Variants in IL1RAPL2 observed in about 807,000 individuals in gnomAD.
IL1RAPL2 encodes the protein interleukin 1 receptor accessory protein like 2.
In IL1RAPL2, 3 loss-of-function variants were observed where a neutral mutation model predicts 44.1. The ratio of observed to expected loss-of-function variants is 0.07; its 90% CI spans 0.03 to 0.18. The LOEUF is 0.18. IL1RAPL2 is among the 10% of genes least tolerant of loss of function. IL1RAPL2 has a pLI of 1.00. For synonymous variants in IL1RAPL2, 181 were observed against 178.8 expected (o/e 1.01, Z -0.10); for missense variants, 391 against 496.4 (o/e 0.79, Z 2.02).
intron 5 of IL1RAPL2, among the ~76,000 whole-genome samples, chrX:105,418,218 GA>G (rs112637742): frequency 0.065 from 6,821 of 104,843 alleles, 534 homozygotes; most frequent in African/African-American, 0.22. Context: ...ATAGTTGACT[GA>G]AAAAAAAAAT....
chrX:104,950,712 T>G (rs747549351), intron 2 of IL1RAPL2, among the ~76,000 whole-genome samples: 2 of 85,360 alleles, frequency 2.3e-5, no homozygotes, highest in Non-Finnish European at 5.2e-5. Context: ...TGTTTTTGTT[T>G]TTGTTTTTTT....
At chrX:105,651,788 G>C (rs2037643809) in intron 6 of IL1RAPL2, among the ~76,000 whole-genome samples, 1 of 111,599 alleles carries the variant, frequency 9.0e-6, no homozygotes, top group Non-Finnish European at 1.9e-5. Context: ...TTTCAGTCAT[G>C]TGTTTACTCC....
intron 2 of IL1RAPL2, among the ~76,000 whole-genome samples, chrX:104,946,379 C>CAAAAAAAAAAA (rs1157603029): frequency 0.19 from 1,741 of 9,141 alleles, 739 homozygotes; most frequent in Non-Finnish European, 0.23. Context: ...GACTCCGTCT[C>CAAAAAAAAAAA]AAAAAAAAAA....
intron 6 of IL1RAPL2, among the ~76,000 whole-genome samples, chrX:105,531,214 C>T (rs1462197444): frequency 8.9e-6 from 1 of 111,789 alleles, no homozygotes; most frequent in African/African-American, 3.2e-5. Context: ...GCCAACATTT[C>T]CTATTATCTG....
chrX:104,711,171 A>G lies in IL1RAPL2; in HGVS notation c.82+52176A>G, dbSNP rs769974893. Among the ~76,000 whole-genome samples, 3 of 111,603 alleles carry G rather than the reference A, an allele frequency of 2.7e-5. No homozygotes were observed. The South Asian group carries it at 1.1e-3, about 41-fold the overall frequency. On this transcript the variant is annotated intron_variant, in intron 2 of 10. Coordinates refer to ENST00000372582, the MANE Select transcript of IL1RAPL2 (RefSeq NM_017416.2). ...TATTCAGTACAGTAACATGCTGTAT[A>G]CATGTGTAGCCTAGGAGCAATAGGC...
At chrX:104,899,947 G>A (rs1923765908) in intron 2 of IL1RAPL2, among the ~76,000 whole-genome samples, 1 of 112,447 alleles carries the variant, frequency 8.9e-6, no homozygotes, top group Non-Finnish European at 1.9e-5. Context: ...GATGAGAAGT[G>A]TGAGAAAGCC....
At chrX:105,472,715 G>A (rs951018797) in intron 5 of IL1RAPL2, among the ~76,000 whole-genome samples, 3 of 111,246 alleles carry the variant, frequency 2.7e-5, no homozygotes, top group African/African-American at 6.5e-5. Flanking sequence ...AGTTCTCATC[G>A]GTGTTACGAA....
At chrX:104,649,677 A>G (rs193001642) in intron 1 of IL1RAPL2, among the ~76,000 whole-genome samples, 59 of 111,707 alleles carry the variant, frequency 5.3e-4, no homozygotes, top group African/African-American at 1.9e-3. Flanking sequence ...GATTGCAAAA[A>G]TGTAACAAGA....
Position 105,701,311 on chromosome X carries a change from G to A in IL1RAPL2, c.773-16056G>A, listed in dbSNP as rs182997886. 8.1e-5 allele frequency among the ~76,000 whole-genome samples: 9 copies of A among 110,931 alleles called. No individual in the cohort carries two copies. In the East Asian group the frequency reaches 1.4e-3, roughly 18 times the overall value. On this transcript the variant is annotated intron_variant, in intron 6 of 10. Coordinates refer to ENST00000372582, the MANE Select transcript of IL1RAPL2 (RefSeq NM_017416.2). ...ATAGTGATCTATAATGCACAAATAC[G>A]TGCCTACCCTTGAGACAACTCAAGG...
chrX:104,574,596 A>G (rs1928211290), intron 1 of IL1RAPL2, among the ~76,000 whole-genome samples: 1 of 112,209 alleles, frequency 8.9e-6, no homozygotes, highest in African/African-American at 3.2e-5. Context: ...ATGTATACAC[A>G]AGGATGTTCA....
intron 2 of IL1RAPL2, among the ~76,000 whole-genome samples, chrX:104,806,539 C>T (rs1010847254): frequency 2.7e-5 from 3 of 112,264 alleles, no homozygotes; most frequent in Non-Finnish European, 3.8e-5. Context: ...TCTAAGCAAC[C>T]GTTTAAATCT....
chrX:105,629,056 A>T (rs1348264635), intron 6 of IL1RAPL2, among the ~76,000 whole-genome samples: 2 of 112,253 alleles, frequency 1.8e-5, no homozygotes, highest in African/African-American at 6.5e-5. Context: ...GAGTTGTAAA[A>T]TTGCTCAAAC....
chrX:104,787,353 A>G (rs1932804544), intron 2 of IL1RAPL2, among the ~76,000 whole-genome samples: 2 of 111,509 alleles, frequency 1.8e-5, no homozygotes, highest in South Asian at 7.6e-4. Flanking sequence ...TTATGTGTTT[A>G]CATTTCTGGC....
Position 105,145,007 on chromosome X carries a change from C to T in IL1RAPL2, c.83-50468C>T, listed in dbSNP as rs139059286. On this transcript the variant is annotated intron_variant, in intron 2 of 10. Coordinates refer to ENST00000372582, the MANE Select transcript of IL1RAPL2 (RefSeq NM_017416.2). Reference sequence around the variant, plus strand: ...AAGGCAAGGACCATATTTTATTCTGCTGTGTCCCCAACACATGAAAGAGGG... The same window carrying T: ...AAGGCAAGGACCATATTTTATTCTGTTGTGTCCCCAACACATGAAAGAGGG... 8.4e-4 allele frequency among the ~76,000 whole-genome samples: 94 copies of T among 111,505 alleles called. 1 individual carries two copies. Among genetic ancestry groups the T allele is most frequent in the African/African-American group, 3.0e-3 (91 of 30,679 alleles).
Position 105,233,917 on chromosome X carries a change from T to C in IL1RAPL2, c.456T>C (p.Ser152=). 5 of 1,210,433 alleles carry C rather than the reference T, an allele frequency of 4.1e-6. No homozygotes were observed. The highest frequency in any genetic ancestry group is 5.6e-6 in the Non-Finnish European group (5 of 894,207). Residue 152 remains serine (S), a synonymous_variant, in exon 4 of 11, where the codon TCT becomes TCC. Coordinates refer to ENST00000372582, the MANE Select transcript of IL1RAPL2 (RefSeq NM_017416.2). ...YNSRIRYLEK[S]EVTKRKEISC... ...GCAGGATCCGCTATTTAGAAAAATCTGAAGTCACTAAAAGAAAGGAGATCT... is the reference window on the plus strand; with the variant it reads ...GCAGGATCCGCTATTTAGAAAAATCCGAAGTCACTAAAAGAAAGGAGATCT...
intron 2 of IL1RAPL2, among the ~76,000 whole-genome samples, chrX:104,701,714 G>A (rs1931276645): frequency 8.9e-6 from 1 of 112,039 alleles, no homozygotes; most frequent in African/African-American, 3.2e-5. Context: ...TTACTGTCTA[G>A]CATAAATAGT....
At chrX:105,425,587 C>A (rs1456044629) in intron 5 of IL1RAPL2, among the ~76,000 whole-genome samples, 1 of 109,159 alleles carries the variant, frequency 9.2e-6, no homozygotes, top group East Asian at 2.9e-4. Context: ...ACTTCCCTCT[C>A]ATGTTATCCT....
At chrX:105,159,459 T>C (rs1422558324) in intron 2 of IL1RAPL2, among the ~76,000 whole-genome samples, 2 of 112,051 alleles carry the variant, frequency 1.8e-5, no homozygotes, top group Non-Finnish European at 3.8e-5. Flanking sequence ...AAGAATGGGA[T>C]AGGAAATGAG....
intron 4 of IL1RAPL2, among the ~76,000 whole-genome samples, chrX:105,263,493 G>A (rs1362466670): frequency 8.9e-6 from 1 of 111,814 alleles, no homozygotes; most frequent in Non-Finnish European, 1.9e-5. Context: ...GTATGATGAT[G>A]ATATCTCAGA....
Sources: gnomAD v4.1 joint callset for allele counts (sites outside exome capture counted in the v4.1 genomes callset) on GRCh38, gnomAD v4.1.1 for gene constraint, MANE v1.5 for transcripts, NCBI Gene and HGNC (gene_info 2026-07-23, HGNC 2026-07-21) for gene names.